The following FBLN7 variants were observed in gnomAD, a reference collection of about 807,000 sequenced individuals.
FBLN7 encodes the protein fibulin 7.
Under a neutral mutation model 44.0 loss-of-function variants are expected in FBLN7, and 31 were observed. The observed-to-expected ratio is 0.70, with a 90% CI of 0.53 to 0.95. FBLN7 has a LOEUF of 0.95. FBLN7 is among the 40% of genes least tolerant of loss of function. The pLI is 0.00. For synonymous variants in FBLN7, 262 were observed against 253.4 expected, an observed-to-expected ratio of 1.03 and a Z score of -0.32; for missense variants, 573 against 618.5, an observed-to-expected ratio of 0.93 and a Z score of 0.78.
chr2:112,235,936 T>TAAAAA, the FBLN7 span, among the ~76,000 whole-genome samples: 1 of 122,602 alleles, frequency 8.2e-6, no homozygotes, highest in African/African-American at 3.1e-5. Context: ...AGTATAACAC[T>TAAAAA]AAAAAAAAAA....
At chr2:112,231,956 A>C in the FBLN7 span, 1 of 1,431,122 alleles carries the variant, frequency 7.0e-7, no homozygotes, top group Non-Finnish European at 9.7e-7. Context: ...ATGTAACCCA[A>C]GTGTTAAGGA....
chr2:112,205,411 A>G, the FBLN7 span, among the ~76,000 whole-genome samples: 18 of 151,758 alleles, frequency 1.2e-4, no homozygotes, highest in African/African-American at 4.1e-4. Context: ...AGTAACTACT[A>G]AAAAAACTAT....
chr2:112,210,378 G>A, the FBLN7 span, among the ~76,000 whole-genome samples: 14 of 151,926 alleles, frequency 9.2e-5, no homozygotes, highest in Non-Finnish European at 1.6e-4. Context: ...GTAATAGGCC[G>A]GGCACGGTGC....
intron 3 of FBLN7, among the ~76,000 whole-genome samples, chr2:112,170,101 G>A (rs1682375302): frequency 6.6e-6 from 1 of 151,970 alleles, no homozygotes; most frequent in Non-Finnish European, 1.5e-5. Flanking sequence ...AGTTAGCTGG[G>A]TGTGGTGGCA....
chr2:112,191,708 T>C (rs566300244), downstream of FBLN7, among the ~76,000 whole-genome samples: 50 of 152,352 alleles, frequency 3.3e-4, no homozygotes, highest in South Asian at 3.7e-3. Flanking sequence ...GTCAACTTAC[T>C]GTTGTAAAGT....
At chr2:112,191,040 C>G (rs1683470760), downstream of FBLN7, among the ~76,000 whole-genome samples, 2 of 152,182 alleles carry the variant, frequency 1.3e-5, no homozygotes, top group South Asian at 2.1e-4. Context: ...TGCAATGGTA[C>G]AACCATAGCT....
At chr2:112,224,948 A>G in the FBLN7 span, among the ~76,000 whole-genome samples, 6 of 152,190 alleles carry the variant, frequency 3.9e-5, no homozygotes, top group African/African-American at 1.4e-4. Context: ...TATACTCTCC[A>G]TTTATTTAGA....
Position 112,138,529 on chromosome 2 carries a change from C to A in FBLN7, c.-127C>A. 7.5e-7 allele frequency: 1 copy of A among 1,329,888 alleles called. No individual in the cohort carries two copies. Among genetic ancestry groups the A allele is most frequent in the East Asian group, 3.2e-5 (1 of 31,648 alleles). The allele number at this position is 1,329,888 out of a possible 1,614,324, so 82.4% of individuals were successfully genotyped here. On this transcript the variant is annotated 5_prime_UTR_variant, in exon 1 of 8. Coordinates refer to ENST00000331203, the MANE Select transcript of FBLN7 (RefSeq NM_153214.3). ...TCGGGGCCTCCCGCCTCCCCCCCTGCCCCAGCCGCCCCCCGGCCGCGCGGC... is the reference window on the plus strand; with the variant it reads ...TCGGGGCCTCCCGCCTCCCCCCCTGACCCAGCCGCCCCCCGGCCGCGCGGC...
chr2:112,220,193 T>C, the FBLN7 span, among the ~76,000 whole-genome samples: 5 of 152,186 alleles, frequency 3.3e-5, no homozygotes, highest in African/African-American at 9.7e-5. Context: ...TGTCATAACA[T>C]TGTTAGCTGG....
intron 3 of FBLN7, among the ~76,000 whole-genome samples, chr2:112,167,916 T>TTATGTTATGTTA (rs879705773): frequency 6.6e-6 from 1 of 152,174 alleles, no homozygotes; most frequent in Non-Finnish European, 1.5e-5. Flanking sequence ...TTATGTTATG[T>TTATGTTATGTTA]TATGTTCACT....
chr2:112,160,708 ACACACAAGCACGCGCACACGCACG>A (rs1681741435), intron 2 of FBLN7, among the ~76,000 whole-genome samples: 1 of 149,596 alleles, frequency 6.7e-6, no homozygotes, highest in African/African-American at 2.5e-5. Context: ...ACGCACGCAC[ACACACAAGCACGCGCACACGCACG>A]CACACGCACA....
the FBLN7 span, among the ~76,000 whole-genome samples, chr2:112,231,212 T>A: frequency 2.0e-5 from 3 of 152,156 alleles, no homozygotes; most frequent in African/African-American, 7.2e-5. Context: ...CCTAAAAATA[T>A]CTATAAACAA....
the FBLN7 span, chr2:112,234,054 A>T: frequency 1.1e-6 from 1 of 949,914 alleles, no homozygotes; most frequent in Non-Finnish European, 1.5e-6. Flanking sequence ...GGTATGAATT[A>T]AAAGAGTATC....
rs113653950 is a variant in FBLN7, at chr2:112,187,655, C to G, written c.*149C>G. On this transcript the variant is annotated 3_prime_UTR_variant, in exon 8 of 8. Coordinates refer to ENST00000331203, the MANE Select transcript of FBLN7 (RefSeq NM_153214.3). This position sits in a 1 kb window ranked among gnomAD's most constrained non-coding sequence, Gnocchi z 5.1. ...CTTCTAGGGCAGCGTTGCACGGCGC[C>G]CCATGGAATAGCACGGAAGAGCAGC... The G allele has an allele frequency of 9.3e-7, 1 of 1,073,450 alleles. No homozygotes were observed. Among genetic ancestry groups the G allele is most frequent in the South Asian group, 1.5e-5 (1 of 65,866 alleles). The allele number at this position is 1,073,450 out of a possible 1,614,324, so 66.5% of individuals were successfully genotyped here.
At position 112,187,406 on chromosome 2, in the gene FBLN7, C is replaced by T. The variant is rs766235578; in HGVS notation, c.1220C>T (p.Thr407Met). ...GTGCAGAACCTGGAGGGGCCTCAGA[C>T]GCTGGAGGTGGACGTCGACATGTCG... Reference protein sequence around the residue: ...ILVQNLEGPQTLEVDVDMSEY... With the variant: ...ILVQNLEGPQMLEVDVDMSEY... Residue 407 changes from threonine (T) to methionine (M), a missense_variant, in exon 8 of 8, where the codon ACG becomes ATG. Coordinates refer to ENST00000331203, the MANE Select transcript of FBLN7 (RefSeq NM_153214.3). This position sits in a 1 kb window ranked among gnomAD's most constrained non-coding sequence, Gnocchi z 5.1. 54 of 1,614,036 alleles carry T rather than the reference C, an allele frequency of 3.3e-5. No homozygotes were observed. In the Middle Eastern group the frequency reaches 9.9e-4, roughly 29 times the overall value.
At chr2:112,160,863 C>T in intron 2 of FBLN7, among the ~76,000 whole-genome samples, 1 of 152,128 alleles carries the variant, frequency 6.6e-6, no homozygotes, top group East Asian at 1.9e-4. Context: ...CACACACACA[C>T]ACACTCAGCC....
At chr2:112,240,559 G>C in the FBLN7 span, 1 of 152,164 alleles carries the variant, frequency 6.6e-6, no homozygotes, top group African/African-American at 2.4e-5. Context: ...AAAACACATA[G>C]GCCTACAGTA....
intron 1 of FBLN7, among the ~76,000 whole-genome samples, chr2:112,143,352 C>T (rs372635182): frequency 2.6e-5 from 4 of 152,132 alleles, no homozygotes; most frequent in African/African-American, 7.2e-5. Context: ...GCAGGGGATG[C>T]GGGCTCCCGG....
intron 2 of FBLN7, among the ~76,000 whole-genome samples, chr2:112,160,568 T>C (rs1681707206): frequency 6.6e-6 from 1 of 152,182 alleles, no homozygotes; most frequent in Non-Finnish European, 1.5e-5. Context: ...GATAATTTTT[T>C]AGAGCAGTTT....
Sources: allele counts gnomAD v4.1 joint callset (sites outside exome capture counted in the v4.1 genomes callset), GRCh38; gene constraint gnomAD v4.1.1; non-coding constraint Gnocchi (gnomAD v3.1); transcripts MANE v1.5; gene names NCBI Gene and HGNC (gene_info 2026-07-23, HGNC 2026-07-21).